Variants in CBX5 observed in about 807,000 individuals in gnomAD.
CBX5 encodes the protein chromobox protein homolog 5.
CBX5 carries 7 observed loss-of-function variants against 20.7 expected under a neutral mutation model. The ratio of observed to expected loss-of-function variants is 0.34; its 90% CI spans 0.19 to 0.63. CBX5 has a LOEUF of 0.63. CBX5 is among the 30% of genes least tolerant of loss of function. CBX5 has a pLI of 0.75. For missense variants in CBX5, 110 were observed against 224.1 expected, an observed-to-expected ratio of 0.49 and a Z score of 3.25; for synonymous variants, 78 against 77.0, an observed-to-expected ratio of 1.01 and a Z score of -0.07.
Position 54,241,565 on chromosome 12 carries a change from A to T in CBX5, c.*190T>A, listed in dbSNP as rs1565866327. On this transcript the variant is annotated 3_prime_UTR_variant, in exon 5 of 5. Transcript: ENST00000209875. ...GTAAATGCCTGGTCTTCACAGAGAG[A>T]CACTTATCATTAATCAGACCATCAG... 1 of 575,398 alleles carries T rather than the reference A, an allele frequency of 1.7e-6. No individual in the cohort carries two copies. The highest frequency in any genetic ancestry group is 3.0e-6 in the Non-Finnish European group (1 of 332,850). 35.6% of individuals were successfully genotyped at this position (575,398 alleles called of 1,614,324 possible).
Position 54,267,797 on chromosome 12 carries a change from G to C in CBX5, c.-42-10105C>G, listed in dbSNP as rs1278643136. Among the ~76,000 whole-genome samples the C allele has an allele frequency of 2.6e-5, 4 of 152,202 alleles. No homozygotes were observed. The East Asian group carries it at 7.7e-4, about 29-fold the overall frequency. On this transcript the variant is annotated intron_variant, in intron 1 of 4. Transcript: ENST00000209875. ...GGCCTCCCAAAGTGCTGGGATTACAGGCGTGAGCCACAGCACACAGCTGAC... is the reference window on the plus strand; with the variant it reads ...GGCCTCCCAAAGTGCTGGGATTACACGCGTGAGCCACAGCACACAGCTGAC...
intron 1 of CBX5, among the ~76,000 whole-genome samples, chr12:54,261,338 C>T (rs1434790397): frequency 3.3e-5 from 5 of 151,162 alleles, no homozygotes; most frequent in Admixed American, 3.3e-4. Flanking sequence ...CGCTCTGTCA[C>T]CAGGCTAGAG....
intron 1 of CBX5, among the ~76,000 whole-genome samples, chr12:54,260,725 G>A (rs935755698): frequency 2.0e-5 from 3 of 151,998 alleles, no homozygotes; most frequent in African/African-American, 4.8e-5. Flanking sequence ...GGAGTACTAG[G>A]ATAAATAAAA....
At position 54,231,756 on chromosome 12, in the gene CBX5, A is replaced by G. The variant is rs1163459960; in HGVS notation, c.*9999T>C. 2.0e-5 allele frequency: 3 copies of G among 152,256 alleles called. No homozygotes were observed. Among genetic ancestry groups the G allele is most frequent in the African/African-American group, 7.2e-5 (3 of 41,470 alleles). The allele number at this position is 152,256 out of a possible 1,614,324, so 9.4% of individuals were successfully genotyped here. On this transcript the variant is annotated 3_prime_UTR_variant, in exon 5 of 5. Coordinates refer to ENST00000209875, the MANE Select transcript of CBX5 (RefSeq NM_012117.3). ...GAGATGACAGATGTTGAATACGGTG[A>G]ATGGGATGAAGCTTTAAGGATCAAT...
At chr12:54,274,228 C>T (rs1314526726) in intron 1 of CBX5, 2 of 152,152 alleles carry the variant, frequency 1.3e-5, no homozygotes, top group African/African-American at 2.4e-5. Context: ...TATGTGGCTT[C>T]GAGTGGCTTA....
chr12:54,262,446 A>T (rs1295616780), intron 1 of CBX5, among the ~76,000 whole-genome samples: 1 of 152,250 alleles, frequency 6.6e-6, no homozygotes, highest in African/African-American at 2.4e-5. Context: ...TGACAAATCG[A>T]ATTGGGCCTG....
intron 1 of CBX5, chr12:54,273,474 G>A (rs1237321732): frequency 1.3e-5 from 2 of 151,810 alleles, no homozygotes; most frequent in Non-Finnish European, 2.9e-5. Context: ...TTTTTTTTCA[G>A]GGACCTGCCA....
intron 1 of CBX5, 126 bp from the exon 2 acceptor site, chr12:54,257,818 T>G (rs1243884508): frequency 1.6e-6 from 1 of 642,988 alleles, no homozygotes; most frequent in African/African-American, 1.8e-5. Context: ...TCTCAAATCA[T>G]TCTACAGATG....
chr12:54,272,735 A>G (rs987071299), intron 1 of CBX5: 7 of 152,230 alleles, frequency 4.6e-5, no homozygotes, highest in Admixed American at 2.6e-4. Context: ...AAATGTTGTA[A>G]TTTGTAATGT....
intron 2 of CBX5, among the ~76,000 whole-genome samples, chr12:54,254,143 G>A (rs1943840078): frequency 6.6e-6 from 1 of 151,928 alleles, no homozygotes; most frequent in Non-Finnish European, 1.5e-5. Flanking sequence ...CAGGCACGGT[G>A]GCTCATGCGT....
intron 1 of CBX5, among the ~76,000 whole-genome samples, chr12:54,263,309 C>T (rs998842840): frequency 2.6e-5 from 4 of 151,280 alleles, no homozygotes; most frequent in East Asian, 2.0e-4. Flanking sequence ...TGCAGTGAGC[C>T]GAGATCAAGC....
intron 1 of CBX5, among the ~76,000 whole-genome samples, chr12:54,266,406 T>A (rs910251924): frequency 8.6e-5 from 13 of 151,476 alleles, no homozygotes; most frequent in African/African-American, 3.2e-4. Flanking sequence ...TCAAAAAAAA[T>A]AAAAAATAAA....
intron 3 of CBX5, among the ~76,000 whole-genome samples, chr12:54,248,293 C>A (rs1345145009): frequency 6.6e-6 from 1 of 152,198 alleles, no homozygotes; most frequent in Non-Finnish European, 1.5e-5. Flanking sequence ...CCGGCCCAAA[C>A]TAGGTAATTT....
chr12:54,274,965 C>T (rs1252685005), intron 1 of CBX5, among the ~76,000 whole-genome samples: 1 of 150,988 alleles, frequency 6.6e-6, no homozygotes, highest in Non-Finnish European at 1.5e-5. Flanking sequence ...TCAATAGAAA[C>T]AAAAAGCGAC....
chr12:54,260,063 G>A (rs1366863753), intron 1 of CBX5, among the ~76,000 whole-genome samples: 1 of 151,228 alleles, frequency 6.6e-6, no homozygotes, highest in African/African-American at 2.4e-5. Flanking sequence ...GGAAACAGGG[G>A]AGGGGAAGTA....
intron 1 of CBX5, among the ~76,000 whole-genome samples, chr12:54,260,956 C>T (rs540143905): frequency 2.0e-5 from 3 of 151,962 alleles, no homozygotes; most frequent in East Asian, 3.9e-4. Context: ...TTTGGGAAGC[C>T]GAGGCAGGTG....
In CBX5 at chr12:54,252,027, G is replaced by A. The variant is rs1943810154; in HGVS notation, c.324+14C>T. Reference sequence around the variant, plus strand: ...AAAAGAATAGTTTTTGGGGAAAAGGGAAAGGAAGCTTACCTCTCTCTTTTT... The same window carrying A: ...AAAAGAATAGTTTTTGGGGAAAAGGAAAAGGAAGCTTACCTCTCTCTTTTT... On this transcript the variant is annotated intron_variant, in intron 3 of 4. Coordinates refer to ENST00000209875, the MANE Select transcript of CBX5 (RefSeq NM_012117.3). The A allele has an allele frequency of 6.5e-7, 1 of 1,541,926 alleles. No individual in the cohort carries two copies. Among genetic ancestry groups the A allele is most frequent in the Non-Finnish European group, 8.7e-7 (1 of 1,150,112 alleles).
At position 54,237,077 on chromosome 12, in the gene CBX5, G is replaced by C. The variant is rs566723304; in HGVS notation, c.*4678C>G. The C allele has an allele frequency of 6.6e-6, 1 of 152,264 alleles. No homozygotes were observed. The highest frequency in any genetic ancestry group is 2.4e-5 in the African/African-American group (1 of 41,558). 9.4% of individuals were successfully genotyped at this position (152,264 alleles called of 1,614,324 possible). A position where few individuals can be genotyped will look rare whatever the true frequency, so the allele number is the denominator to read the frequency against. Reference sequence around the variant, plus strand: ...ACAAAGTAGTATGCAGTATGGCTGGGGGACAGTCAAGGACCATCTAGACTT... The same window carrying C: ...ACAAAGTAGTATGCAGTATGGCTGGCGGACAGTCAAGGACCATCTAGACTT... On this transcript the variant is annotated 3_prime_UTR_variant, in exon 5 of 5. Transcript: ENST00000209875.
intron 3 of CBX5, among the ~76,000 whole-genome samples, chr12:54,248,003 G>T (rs1028653694): frequency 6.6e-6 from 1 of 152,070 alleles, no homozygotes; most frequent in Admixed American, 6.5e-5. Context: ...ACCGCACCTG[G>T]CTAATTTTTC....
Sources: allele counts gnomAD v4.1 joint callset (sites outside exome capture counted in the v4.1 genomes callset), GRCh38; gene constraint gnomAD v4.1.1; transcripts MANE v1.5; gene names NCBI Gene and HGNC (gene_info 2026-07-23, HGNC 2026-07-21).